The following AGBL4 variants were observed in gnomAD, a reference collection of about 807,000 sequenced individuals.
AGBL4 encodes the protein AGBL carboxypeptidase 4.
A neutral mutation model predicts 66.4 loss-of-function variants in AGBL4; 58 were observed. That is an observed-to-expected ratio of 0.87 (90% confidence interval 0.71 to 1.09). AGBL4 has a LOEUF of 1.09. Among genes scored for constraint, AGBL4 ranks in the 50% least tolerant of loss-of-function variants. The pLI is 0.00. For missense variants in AGBL4, 579 were observed against 631.0 expected (o/e 0.92, Z 0.88); for synonymous variants, 234 against 222.9 (o/e 1.05, Z -0.44).
chr1:49,574,584 T>A (rs1353600811), intron 3 of AGBL4, among the ~76,000 whole-genome samples: 2 of 152,144 alleles, frequency 1.3e-5, no homozygotes, highest in Non-Finnish European at 2.9e-5. Context: ...AGCACCTGCA[T>A]TTTTAAAGAG....
chr1:49,430,638 T>A (rs1645764885), intron 3 of AGBL4, among the ~76,000 whole-genome samples: 1 of 152,246 alleles, frequency 6.6e-6, no homozygotes, highest in African/African-American at 2.4e-5. Context: ...TTAAATTGCA[T>A]TAAATTATAA....
At chr1:49,713,801 C>T (rs1280602260) in intron 2 of AGBL4, among the ~76,000 whole-genome samples, 1 of 151,770 alleles carries the variant, frequency 6.6e-6, no homozygotes, top group African/African-American at 2.4e-5. Flanking sequence ...AAAGTCTCCT[C>T]ATTTTTTTTT....
chr1:49,563,737 C>T (rs1020695049), intron 3 of AGBL4, among the ~76,000 whole-genome samples: 14 of 151,800 alleles, frequency 9.2e-5, no homozygotes, highest in African/African-American at 3.4e-4. Context: ...ATTTTTGCAT[C>T]AATGTTCATT....
intron 3 of AGBL4, among the ~76,000 whole-genome samples, chr1:49,586,087 T>A (rs1258633040): frequency 6.6e-6 from 1 of 152,178 alleles, no homozygotes; most frequent in Admixed American, 6.5e-5. Flanking sequence ...CAAATATTTA[T>A]GGAAAATGTA....
chr1:48,723,324 G>T (rs955747863), intron 6 of AGBL4, among the ~76,000 whole-genome samples: 1 of 152,164 alleles, frequency 6.6e-6, no homozygotes, highest in Non-Finnish European at 1.5e-5. Context: ...ATGGACTCTT[G>T]GGTGGGAATA....
intron 1 of AGBL4, among the ~76,000 whole-genome samples, chr1:49,885,178 T>A (rs1479808822): frequency 2.0e-5 from 3 of 151,938 alleles, no homozygotes; most frequent in Non-Finnish European, 2.9e-5. Context: ...AAAAATTACC[T>A]CTATGTATAA....
At chr1:49,491,057 C>T (rs1647176167) in intron 3 of AGBL4, among the ~76,000 whole-genome samples, 1 of 151,724 alleles carries the variant, frequency 6.6e-6, no homozygotes, top group Admixed American at 6.6e-5. Context: ...TGTCTCTATT[C>T]TCAGTACTCC....
chr1:48,742,564 C>T (rs1483141240), intron 6 of AGBL4: 1 of 1,391,994 alleles, frequency 7.2e-7, no homozygotes, highest in Non-Finnish European at 9.4e-7. Context: ...CCATACTCTC[C>T]ACCTTTACTC....
chr1:48,582,758 G>C (rs1320578661), intron 11 of AGBL4, among the ~76,000 whole-genome samples: 2 of 152,154 alleles, frequency 1.3e-5, no homozygotes, highest in African/African-American at 2.4e-5. Flanking sequence ...AGAGTGGTGA[G>C]ATAACCAGTA....
At chr1:48,980,564 G>A (rs1399043853) in intron 5 of AGBL4, among the ~76,000 whole-genome samples, 7 of 151,614 alleles carry the variant, frequency 4.6e-5, no homozygotes. Context: ...GCTGGGCATG[G>A]TGGCCAGTAT....
chr1:49,918,398 G>T (rs1017621621), intron 1 of AGBL4, among the ~76,000 whole-genome samples: 1 of 152,132 alleles, frequency 6.6e-6, no homozygotes, highest in Non-Finnish European at 1.5e-5. Flanking sequence ...AAATGATAAA[G>T]GGGATATCAC....
intron 6 of AGBL4, among the ~76,000 whole-genome samples, chr1:48,698,165 G>A (rs1273966043): frequency 6.6e-6 from 1 of 152,198 alleles, no homozygotes; most frequent in Non-Finnish European, 1.5e-5. Context: ...TTGGTTTGGG[G>A]GTGACCTCAG....
chr1:48,612,416 G>A (rs1362192992), intron 9 of AGBL4, among the ~76,000 whole-genome samples: 3 of 152,168 alleles, frequency 2.0e-5, no homozygotes, highest in Admixed American at 1.3e-4. Context: ...TGGATGGCTG[G>A]GGCAGAGAAG....
intron 3 of AGBL4, among the ~76,000 whole-genome samples, chr1:49,372,383 G>A (rs2148555374): frequency 6.6e-6 from 1 of 152,190 alleles, no homozygotes. Context: ...TAATACACAA[G>A]CTCCTTAGCA....
intron 5 of AGBL4, among the ~76,000 whole-genome samples, chr1:48,895,769 T>G (rs2298201): frequency 0.49 from 74,731 of 151,992 alleles, 21,826 homozygotes; most frequent in Non-Finnish European, 0.67. Flanking sequence ...TCAGAAGAGC[T>G]CATCCATTCT....
chr1:49,609,404 GA>G (rs1384968998), intron 3 of AGBL4, among the ~76,000 whole-genome samples: 1 of 151,808 alleles, frequency 6.6e-6, no homozygotes, highest in East Asian at 1.9e-4. Flanking sequence ...AGCTGAGGAA[GA>G]AAAAAAGATA....
intron 4 of AGBL4, among the ~76,000 whole-genome samples, chr1:49,204,414 A>C (rs354165): frequency 2.0e-5 from 3 of 151,664 alleles, no homozygotes; most frequent in Non-Finnish European, 4.4e-5. Context: ...GGGACTATAC[A>C]CATGCAGCAC....
intron 3 of AGBL4, among the ~76,000 whole-genome samples, chr1:49,491,015 T>C (rs1647175531): frequency 6.6e-6 from 1 of 151,698 alleles, no homozygotes; most frequent in South Asian, 2.1e-4. Flanking sequence ...GTTTAATTAG[T>C]TTGCCTATGA....
At chr1:49,262,729 T>C (rs1031662112) in intron 3 of AGBL4, among the ~76,000 whole-genome samples, 5 of 152,148 alleles carry the variant, frequency 3.3e-5, no homozygotes, top group African/African-American at 1.2e-4. Flanking sequence ...AGTTCAACCA[T>C]TGTGGAGGTC....
Sources: gnomAD v4.1 joint callset for allele counts (sites outside exome capture counted in the v4.1 genomes callset) on GRCh38, gnomAD v4.1.1 for gene constraint, MANE v1.5 for transcripts, NCBI Gene and HGNC (gene_info 2026-07-23, HGNC 2026-07-21) for gene names.